The following SLC2A13 variants were observed in gnomAD, a reference collection of about 807,000 sequenced individuals.
SLC2A13 encodes the protein solute carrier family 2 member 13.
Under a neutral mutation model 64.4 loss-of-function variants are expected in SLC2A13, and 32 were observed. The observed-to-expected ratio is 0.50, with a 90% CI of 0.37 to 0.67. The LOEUF (loss-of-function observed/expected upper bound fraction) is 0.67, where lower values mean the gene tolerates loss of function less well. SLC2A13 is among the 30% of genes least tolerant of loss of function. SLC2A13 has a pLI of 0.00. For synonymous variants in SLC2A13, 338 were observed against 327.1 expected, an observed-to-expected ratio of 1.03 and a Z score of -0.36; for missense variants, 743 against 829.2, an observed-to-expected ratio of 0.90 and a Z score of 1.28.
intron 7 of SLC2A13, among the ~76,000 whole-genome samples, chr12:39,781,632 T>C (rs1177776980): frequency 6.6e-6 from 1 of 152,248 alleles, no homozygotes; most frequent in Non-Finnish European, 1.5e-5. Context: ...TTATCCCTTA[T>C]TCTTGCTATG....
At chr12:40,034,567 C>G (rs1378304365) in intron 2 of SLC2A13, among the ~76,000 whole-genome samples, 1 of 152,156 alleles carries the variant, frequency 6.6e-6, no homozygotes, top group Non-Finnish European at 1.5e-5. Context: ...TTTATTTCCA[C>G]TCTGTCTTCT....
At chr12:40,098,051 A>G (rs1373104313) in intron 1 of SLC2A13, among the ~76,000 whole-genome samples, 1 of 151,024 alleles carries the variant, frequency 6.6e-6, no homozygotes, top group Non-Finnish European at 1.5e-5. Flanking sequence ...ATATATGTGT[A>G]TATATGTATA....
At chr12:39,953,057 T>C (rs10747959) in intron 3 of SLC2A13, among the ~76,000 whole-genome samples, 131,465 of 152,130 alleles carry the variant, frequency 0.86, 56,892 homozygotes, top group East Asian at 1. Flanking sequence ...AGAAATTAGT[T>C]TTTCCTAATG....
intron 1 of SLC2A13, among the ~76,000 whole-genome samples, chr12:40,057,142 A>G (rs2136246999): frequency 6.6e-6 from 1 of 152,310 alleles, no homozygotes; most frequent in South Asian, 2.1e-4. Flanking sequence ...TAATAATAAC[A>G]AAAGTAAACC....
chr12:39,968,973 G>A (rs924555144), intron 3 of SLC2A13, among the ~76,000 whole-genome samples: 8 of 151,220 alleles, frequency 5.3e-5, no homozygotes, highest in Non-Finnish European at 8.8e-5. Flanking sequence ...AACAGGCCCC[G>A]GTGTGTGATG....
intron 4 of SLC2A13, chr12:39,950,432 T>C (rs1388983403): frequency 2.0e-5 from 3 of 152,232 alleles, no homozygotes; most frequent in African/African-American, 7.2e-5. Context: ...CTCTAAACTG[T>C]ATTTTATGAT....
intron 6 of SLC2A13, among the ~76,000 whole-genome samples, chr12:39,838,278 G>A (rs542938245): frequency 4.0e-4 from 59 of 148,534 alleles, no homozygotes; most frequent in South Asian, 2.6e-3. Context: ...ACTCGTAGGT[G>A]GGAACTGAAC....
At chr12:39,829,951 G>T in intron 7 of SLC2A13, 152 bp downstream of exon 7, 1 of 961,368 alleles carries the variant, frequency 1.0e-6, no homozygotes, top group Non-Finnish European at 1.6e-6. Flanking sequence ...GCAATGCTTT[G>T]CATCCACTAT....
At chr12:40,020,987 G>A (rs1357716588) in intron 3 of SLC2A13, among the ~76,000 whole-genome samples, 2 of 151,216 alleles carry the variant, frequency 1.3e-5, no homozygotes, top group African/African-American at 2.4e-5. Flanking sequence ...TGAACCTAAC[G>A]GTAAGTGGGA....
chr12:39,828,710 TA>T (rs1322708876), intron 7 of SLC2A13, among the ~76,000 whole-genome samples: 2 of 74,948 alleles, frequency 2.7e-5, no homozygotes, highest in African/African-American at 1.6e-4. Context: ...AGTAGTAACT[TA>T]GTTTTTTTTT....
chr12:39,759,487 T>C lies in SLC2A13; in HGVS notation c.*539A>G, dbSNP rs1482003471. The stretch of plus-strand genomic sequence containing the variant: ...GGAGATACGGACAGCTGTGCCCTTG[T>C]AGGAGGCACTTTGGAATTTGTTGAT... On this transcript the variant is annotated 3_prime_UTR_variant, in exon 10 of 10. Transcript: ENST00000280871. 2 of 152,990 alleles carry C rather than the reference T, an allele frequency of 1.3e-5. No homozygotes were observed. Among genetic ancestry groups the C allele is most frequent in the Non-Finnish European group, 2.9e-5 (2 of 68,328 alleles). 9.5% of individuals were successfully genotyped at this position (152,990 alleles called of 1,614,324 possible). A position where few individuals can be genotyped will look rare whatever the true frequency, so the allele number is the denominator to read the frequency against.
At chr12:39,972,428 C>T (rs1382406479) in intron 3 of SLC2A13, among the ~76,000 whole-genome samples, 1 of 152,146 alleles carries the variant, frequency 6.6e-6, no homozygotes, top group Non-Finnish European at 1.5e-5. Flanking sequence ...ACTGAGGAAA[C>T]AGAAGCAATT....
At chr12:39,987,959 C>A (rs978535315) in intron 3 of SLC2A13, among the ~76,000 whole-genome samples, 2 of 152,076 alleles carry the variant, frequency 1.3e-5, no homozygotes, top group Non-Finnish European at 2.9e-5. Context: ...CCCCCACTGA[C>A]CCTCCAATTC....
At chr12:39,863,157 C>T (rs968129781) in intron 6 of SLC2A13, among the ~76,000 whole-genome samples, 1 of 152,076 alleles carries the variant, frequency 6.6e-6, no homozygotes, top group Non-Finnish European at 1.5e-5. Context: ...TAAAGGTAGG[C>T]TGTATCACTT....
chr12:39,920,364 C>T (rs1008813764), intron 4 of SLC2A13, among the ~76,000 whole-genome samples: 1 of 152,070 alleles, frequency 6.6e-6, no homozygotes, highest in African/African-American at 2.4e-5. Flanking sequence ...CTGGAAAAAA[C>T]TGAGTTACTC....
intron 7 of SLC2A13, among the ~76,000 whole-genome samples, chr12:39,767,302 C>CTTTTTTT (rs112470893): frequency 5.4e-5 from 8 of 147,350 alleles, no homozygotes; most frequent in Non-Finnish European, 9.0e-5. Flanking sequence ...TGAAAGGAAT[C>CTTTTTTT]TTTTTTTTCT....
At chr12:40,101,185 A>G (rs562445401) in intron 1 of SLC2A13, among the ~76,000 whole-genome samples, 98 of 152,162 alleles carry the variant, frequency 6.4e-4, no homozygotes, top group Admixed American at 2.6e-3. Flanking sequence ...GAACCAATAA[A>G]AAAAAAAGAA....
chr12:40,012,646 CT>C (rs1947549453), intron 3 of SLC2A13, among the ~76,000 whole-genome samples: 3 of 152,214 alleles, frequency 2.0e-5, no homozygotes, highest in African/African-American at 7.2e-5. Flanking sequence ...ATGCTTCTAC[CT>C]TTTACTGCTC....
chr12:39,847,752 T>C lies in SLC2A13; in HGVS notation c.1319+17010A>G, dbSNP rs541987055. Among the ~76,000 whole-genome samples the C allele has an allele frequency of 5.8e-4, 89 of 152,272 alleles. 1 individual carries two copies. The highest frequency in any genetic ancestry group is 2.1e-3 in the African/African-American group (88 of 41,574). ...CTTAAGCCACTGTTATTTTGGGTTCTTCTGTAATATACAGCCTACCATGAT... is the reference window on the plus strand; with the variant it reads ...CTTAAGCCACTGTTATTTTGGGTTCCTCTGTAATATACAGCCTACCATGAT... On this transcript the variant is annotated intron_variant, in intron 6 of 9. Transcript: ENST00000280871.
Sources: allele counts gnomAD v4.1 joint callset (sites outside exome capture counted in the v4.1 genomes callset), GRCh38; gene constraint gnomAD v4.1.1; transcripts MANE v1.5; gene names NCBI Gene and HGNC (gene_info 2026-07-23, HGNC 2026-07-21).